MAL: variants seen among roughly 807,000 people sequenced by gnomAD.
MAL encodes the protein mal, T cell differentiation protein (MAL blood group).
MAL carries 5 observed loss-of-function variants against 16.7 expected under a neutral mutation model. That is an observed-to-expected ratio of 0.30 (90% confidence interval 0.16 to 0.63). The LOEUF (loss-of-function observed/expected upper bound fraction) is 0.63. Among genes scored for constraint, MAL ranks in the 30% least tolerant of loss-of-function variants. The pLI is 0.82. For missense variants in MAL, 202 were observed against 195.8 expected, an observed-to-expected ratio of 1.03 and a Z score of -0.19; for synonymous variants, 96 against 85.5, an observed-to-expected ratio of 1.12 and a Z score of -0.67.
chr2:95,025,824 C>T lies in MAL; in HGVS notation c.32C>T (p.Thr11Ile), dbSNP rs1377559412. 1.9e-6 allele frequency: 3 copies of T among 1,575,766 alleles called. No individual in the cohort carries two copies. The highest frequency in any genetic ancestry group is 1.7e-4 in the Middle Eastern group (1 of 5,992). Residue 11 changes from threonine to isoleucine, a missense_variant, in exon 1 of 4, where the codon ACC (threonine) becomes ATC (isoleucine). Transcript: ENST00000309988. This position sits in a 1 kb window ranked among gnomAD's most constrained non-coding sequence, Gnocchi z 5.6. ...CCCGCAGCGGCGACGGGGGGCAGCA[C>T]CCTGCCCAGTGGCTTCTCGGTCTTC... MAPAAATGGS[T>I]LPSGFSVFTT...
At chr2:95,030,910 C>G (rs1674062488) in intron 1 of MAL, among the ~76,000 whole-genome samples, 1 of 152,140 alleles carries the variant, frequency 6.6e-6, no homozygotes, top group Admixed American at 6.5e-5. Flanking sequence ...TAAGAGTGAC[C>G]AGAGAGGTCT....
At chr2:95,046,906 G>A (rs1332810366) in intron 1 of MAL, among the ~76,000 whole-genome samples, 10 of 148,938 alleles carry the variant, frequency 6.7e-5, no homozygotes, top group Non-Finnish European at 1.2e-4. Context: ...AAGAGAGAGA[G>A]AGAAAGAGAG....
intron 1 of MAL, chr2:95,026,371 G>T (rs548873908): frequency 5.9e-5 from 9 of 152,532 alleles, no homozygotes; most frequent in Non-Finnish European, 1.3e-4. Flanking sequence ...AGCTGAATCC[G>T]GTTTATTTTC....
At chr2:95,051,389 A>G (rs767505626) in intron 3 of MAL, 13 of 152,242 alleles carry the variant, frequency 8.5e-5, no homozygotes, top group Non-Finnish European at 1.5e-4. Flanking sequence ...AGGGCCTGAT[A>G]AACAACTCCC....
chr2:95,030,042 A>G (rs1674037934), intron 1 of MAL, among the ~76,000 whole-genome samples: 1 of 152,212 alleles, frequency 6.6e-6, no homozygotes, highest in East Asian at 1.9e-4. Flanking sequence ...TGGGAGGCGC[A>G]GATGTCCAAG....
intron 1 of MAL, among the ~76,000 whole-genome samples, chr2:95,034,655 A>G (rs1674164443): frequency 6.6e-6 from 1 of 152,052 alleles, no homozygotes; most frequent in Non-Finnish European, 1.5e-5. Context: ...GCAGGAGGGC[A>G]TAGTTGGATT....
chr2:95,038,904 G>A (rs1398960166), intron 1 of MAL, among the ~76,000 whole-genome samples: 2 of 151,518 alleles, frequency 1.3e-5, no homozygotes, highest in Non-Finnish European at 1.5e-5. Context: ...GGGTGAGTGA[G>A]TGACTAAGTG....
intron 1 of MAL, among the ~76,000 whole-genome samples, chr2:95,045,758 C>A (rs1573299215): frequency 6.6e-6 from 1 of 152,338 alleles, no homozygotes; most frequent in South Asian, 2.1e-4. Context: ...CCTCGCATGC[C>A]TCCTGAATCC....
intron 3 of MAL, among the ~76,000 whole-genome samples, chr2:95,051,047 G>T (rs535625050): frequency 6.6e-6 from 1 of 152,302 alleles, no homozygotes; most frequent in East Asian, 1.9e-4. Flanking sequence ...GTGAACAAAG[G>T]TTGCGAAATG....
chr2:95,038,488 G>GTGAGTGAGTGACTGAGTGAC (rs1674318748), intron 1 of MAL, among the ~76,000 whole-genome samples: 1 of 150,892 alleles, frequency 6.6e-6, no homozygotes, highest in East Asian at 2.0e-4. Context: ...GACTGAGTGA[G>GTGAGTGAGTGACTGAGTGAC]TGAGTGAGTG....
rs200818368 is a variant in MAL, at chr2:95,049,563, A to G, written c.262-18A>G. The G allele has an allele frequency of 8.2e-4, 1,328 of 1,613,600 alleles. 5 individuals carry two copies. Among genetic ancestry groups the G allele is most frequent in the South Asian group, 1.4e-3 (129 of 91,024 alleles). ...GTCTCTCTCTCCCCATCCCTCTGAC[A>G]CCCCGTCTGCCCCATAGGACGCAGC... is the stretch of plus-strand genomic sequence containing the variant. On this transcript the variant is annotated intron_variant, in intron 2 of 3. Coordinates refer to ENST00000309988, the MANE Select transcript of MAL (RefSeq NM_002371.4).
chr2:95,027,349 A>G (rs1185571816), intron 1 of MAL, among the ~76,000 whole-genome samples: 1 of 152,178 alleles, frequency 6.6e-6, no homozygotes, highest in Non-Finnish European at 1.5e-5. Flanking sequence ...TTGCTCTTCC[A>G]GCGTGGCTTT....
At chr2:95,046,910 AAGAG>A (rs548484446) in intron 1 of MAL, among the ~76,000 whole-genome samples, 41 of 150,196 alleles carry the variant, frequency 2.7e-4, no homozygotes, top group African/African-American at 5.4e-4. Flanking sequence ...GAGAGAGAGA[AAGAG>A]AGAGAAAGAA....
At chr2:95,030,544 C>G in intron 1 of MAL, among the ~76,000 whole-genome samples, 1 of 152,182 alleles carries the variant, frequency 6.6e-6, no homozygotes, top group East Asian at 1.9e-4. Flanking sequence ...CAGCTGGGGC[C>G]CCCAGATGCG....
At chr2:95,045,547 T>A (rs1460765174) in intron 1 of MAL, among the ~76,000 whole-genome samples, 2 of 152,210 alleles carry the variant, frequency 1.3e-5, no homozygotes, top group East Asian at 3.8e-4. Flanking sequence ...CCAATATACC[T>A]GTGTTTGTGC....
chr2:95,036,707 GAGTGAGTGACCA>G (rs1322236876), intron 1 of MAL, among the ~76,000 whole-genome samples: 1 of 152,328 alleles, frequency 6.6e-6, no homozygotes, highest in East Asian at 1.9e-4. Context: ...GTGAGTGACT[GAGTGAGTGACCA>G]AGTGAGTGAG....
rs138821070 is a variant in MAL, at chr2:95,042,045, G to C, written c.94-5914G>C. On this transcript the variant is annotated intron_variant, in intron 1 of 3. Transcript: ENST00000309988. ...TCAGTCCCCATCCTGAGACAGTGAG[G>C]CTGCATCTCAGAGTTCAGAGGAAAC... Among the ~76,000 whole-genome samples the C allele has an allele frequency of 6.5e-4, 99 of 152,340 alleles. 1 individual carries two copies. The highest frequency in any genetic ancestry group is 2.2e-3 in the African/African-American group (90 of 41,598).
At chr2:95,041,648 A>G (rs886732859) in intron 1 of MAL, among the ~76,000 whole-genome samples, 9 of 152,168 alleles carry the variant, frequency 5.9e-5, no homozygotes, top group African/African-American at 9.6e-5. Context: ...CAGGTCACCC[A>G]GCTAGTGACA....
chr2:95,026,422 G>A (rs1363300853), intron 1 of MAL: 1 of 150,702 alleles, frequency 6.6e-6, no homozygotes, highest in Admixed American at 6.7e-5. Context: ...ACGTATTTGC[G>A]ACCAATTCGA....
Sources: gnomAD v4.1 joint callset for allele counts (sites outside exome capture counted in the v4.1 genomes callset) on GRCh38, gnomAD v4.1.1 for gene constraint, Gnocchi (gnomAD v3.1) non-coding constraint, MANE v1.5 for transcripts, NCBI Gene and HGNC (gene_info 2026-07-23, HGNC 2026-07-21) for gene names.